NACC2: variants seen among roughly 807,000 people sequenced by gnomAD.
NACC2 encodes NACC family member 2.
In NACC2, 8 loss-of-function variants were observed where a neutral mutation model predicts 25.1. The ratio of observed to expected loss-of-function variants is 0.32; its 90% CI spans 0.19 to 0.57. The LOEUF is 0.57. NACC2 is among the 20% of genes least tolerant of loss of function. The pLI, the probability that NACC2 is intolerant of heterozygous loss-of-function variation, is 0.89. For synonymous variants in NACC2, 435 were observed against 294.7 expected, an observed-to-expected ratio of 1.48 and a Z score of -4.88; for missense variants, 644 against 650.2, an observed-to-expected ratio of 0.99 and a Z score of 0.10.
intron 2 of NACC2, among the ~76,000 whole-genome samples, chr9:136,042,833 CACAGACACAT>C (rs1360462406): frequency 1.3e-5 from 2 of 150,890 alleles, no homozygotes; most frequent in Non-Finnish European, 2.9e-5. Context: ...GGAATTCACA[CACAGACACAT>C]ACAGACACAC....
At chr9:136,015,988 C>T (rs1840196105) in intron 3 of NACC2, among the ~76,000 whole-genome samples, 1 of 152,134 alleles carries the variant, frequency 6.6e-6, no homozygotes. Flanking sequence ...CTATACGTGA[C>T]ATGGTTTTAT....
chr9:136,068,153 A>G (rs1393126479), intron 1 of NACC2, among the ~76,000 whole-genome samples: 1 of 152,166 alleles, frequency 6.6e-6, no homozygotes, highest in Non-Finnish European at 1.5e-5. Flanking sequence ...GCTACTAAAG[A>G]CTGTATAAAC....
chr9:136,075,646 C>G lies in NACC2; in HGVS notation c.-60+19543G>C, dbSNP rs555223621. On this transcript the variant is annotated intron_variant, in intron 1 of 5. Transcript: ENST00000277554. Reference sequence around the variant, plus strand: ...GGGAGCAGAGCCTGCAGGGCCCCCTCAGGAAACCTGTGCTGATGCTGTCCT... The same window carrying G: ...GGGAGCAGAGCCTGCAGGGCCCCCTGAGGAAACCTGTGCTGATGCTGTCCT... 7.9e-5 allele frequency among the ~76,000 whole-genome samples: 12 copies of G among 152,364 alleles called. No homozygotes were observed. The East Asian group carries it at 1.7e-3, about 22-fold the overall frequency.
At chr9:136,059,913 T>C (rs1010289895) in intron 1 of NACC2, among the ~76,000 whole-genome samples, 3 of 152,150 alleles carry the variant, frequency 2.0e-5, no homozygotes, top group Admixed American at 2.0e-4. Context: ...CCCACCCCGA[T>C]GTCCTGACCA....
At position 136,013,170 on chromosome 9, in the gene NACC2, A is replaced by ACCCCAGAGACC; in HGVS notation, c.1255+28_1255+29insGGTCTCTGGGG. 2.6e-6 allele frequency: 1 copy of ACCCCAGAGACC among 391,776 alleles called. No homozygotes were observed. Among genetic ancestry groups the ACCCCAGAGACC allele is most frequent in the Non-Finnish European group, 4.6e-6 (1 of 215,688 alleles). The allele number at this position is 391,776 out of a possible 1,614,324, so 24.3% of individuals were successfully genotyped here. On this transcript the variant is annotated intron_variant, in intron 5 of 5. Coordinates refer to ENST00000277554, the MANE Select transcript of NACC2 (RefSeq NM_144653.5). This position sits in a 1 kb window ranked among gnomAD's most constrained non-coding sequence, Gnocchi z 6.6. ...GGGATCTGAACCCAGCCCCGGCCCC[A>ACCCCAGAGACC]CCCACCCGAGAGACCCCCAGGCTCT... is the stretch of plus-strand genomic sequence containing the variant.
chr9:136,079,586 A>G (rs1830300029), intron 1 of NACC2, among the ~76,000 whole-genome samples: 1 of 152,148 alleles, frequency 6.6e-6, no homozygotes, highest in South Asian at 2.1e-4. Context: ...CTGAGTGGAA[A>G]GGCCACTTGG....
In NACC2 at chr9:136,010,788, C is replaced by T. The variant is rs1229517922; in HGVS notation, c.*728G>A. On this transcript the variant is annotated 3_prime_UTR_variant, in exon 6 of 6. Transcript: ENST00000277554. The surrounding 1 kb of genome is among the most constrained non-coding windows in gnomAD (Gnocchi z 4.9). Reference sequence around the variant, plus strand: ...GGAGGCCAGGCGGGGTCAGCGGTGCCCTGGGGGTCAGGGGACCGAGGGGCT... The same window carrying T: ...GGAGGCCAGGCGGGGTCAGCGGTGCTCTGGGGGTCAGGGGACCGAGGGGCT... The T allele has an allele frequency of 6.6e-6, 1 of 152,350 alleles. No homozygotes were observed. The highest frequency in any genetic ancestry group is 1.5e-5 in the Non-Finnish European group (1 of 68,152). 9.4% of individuals were successfully genotyped at this position (152,350 alleles called of 1,614,324 possible).
chr9:136,065,255 C>T (rs1841066351), intron 1 of NACC2, among the ~76,000 whole-genome samples: 1 of 152,166 alleles, frequency 6.6e-6, no homozygotes, highest in South Asian at 2.1e-4. Flanking sequence ...GAGGCTGAGG[C>T]AGGAGTATCG....
intron 2 of NACC2, among the ~76,000 whole-genome samples, chr9:136,024,683 T>A (rs916979089): frequency 6.6e-6 from 1 of 152,244 alleles, no homozygotes; most frequent in South Asian, 2.1e-4. Flanking sequence ...TATGCAAAAA[T>A]AAATATATTT....
chr9:136,031,074 T>G (rs1274704565), intron 2 of NACC2, among the ~76,000 whole-genome samples: 19 of 152,016 alleles, frequency 1.2e-4, no homozygotes, highest in Admixed American at 1.2e-3. Context: ...CTCAAGAAAA[T>G]GAAGCTAAAT....
intron 2 of NACC2, among the ~76,000 whole-genome samples, chr9:136,017,219 G>T (rs1289664443): frequency 1.3e-5 from 2 of 152,182 alleles, no homozygotes; most frequent in Non-Finnish European, 2.9e-5. Context: ...TGCATCCTCA[G>T]GACCTGCAGC....
chr9:136,051,420 G>A (rs1840833879), intron 1 of NACC2, among the ~76,000 whole-genome samples: 1 of 152,196 alleles, frequency 6.6e-6, no homozygotes, highest in Non-Finnish European at 1.5e-5. Context: ...CCCAACCCAG[G>A]TGACTACAGG....
intron 1 of NACC2, among the ~76,000 whole-genome samples, chr9:136,068,494 C>T (rs1306663053): frequency 2.6e-5 from 3 of 116,450 alleles, no homozygotes; most frequent in Non-Finnish European, 3.5e-5. Flanking sequence ...AGTGAAACTC[C>T]GTCTCAAAAA....
Position 136,049,986 on chromosome 9 carries a change from T to C in NACC2, c.536A>G (p.Glu179Gly). The change falls in exon 2 of 6, where the codon GAG becomes GGG. Residue 179 changes from glutamate (E) to glycine (G), a missense_variant. Transcript: ENST00000277554. Reference sequence around the variant, plus strand: ...CAGGCCTGGGCCGGCCGGCGGCAGCTCCATGGCTTCATGCTTTACTCGGGT... The same window carrying C: ...CAGGCCTGGGCCGGCCGGCGGCAGCCCCATGGCTTCATGCTTTACTCGGGT... ...LLTRVKHEAM[E>G]LPPAGPGLAP... The C allele has an allele frequency of 3.0e-6, 2 of 656,122 alleles. No homozygotes were observed. Among genetic ancestry groups the C allele is most frequent in the Non-Finnish European group, 5.5e-6 (2 of 365,260 alleles). 40.6% of individuals were successfully genotyped at this position (656,122 alleles called of 1,614,324 possible).
intron 2 of NACC2, among the ~76,000 whole-genome samples, chr9:136,021,943 C>T (rs4842076): frequency 0.46 from 70,060 of 152,026 alleles, 16,550 homozygotes; most frequent in African/African-American, 0.53. Context: ...GGCTGGGGTG[C>T]GGACAAGCCT....
Position 136,077,102 on chromosome 9 carries a change from C to T in NACC2, c.-60+18087G>A, listed in dbSNP as rs1385448739. On this transcript the variant is annotated intron_variant, in intron 1 of 5. Coordinates refer to ENST00000277554, the MANE Select transcript of NACC2 (RefSeq NM_144653.5). ...GGCTGAGGCAGGAGAATCGCTTGAACCCGGAGGTGGAGGTTGCAGTGAGCC... is the reference window on the plus strand; with the variant it reads ...GGCTGAGGCAGGAGAATCGCTTGAATCCGGAGGTGGAGGTTGCAGTGAGCC... Among the ~76,000 whole-genome samples the T allele has an allele frequency of 3.3e-5, 5 of 152,130 alleles. No homozygotes were observed. The South Asian group carries it at 1.0e-3, about 32-fold the overall frequency.
chr9:136,056,544 C>T (rs1054370345), intron 1 of NACC2, among the ~76,000 whole-genome samples: 10 of 152,276 alleles, frequency 6.6e-5, no homozygotes, highest in Non-Finnish European at 1.3e-4. Flanking sequence ...CAACAGACCC[C>T]GGGTAGCTAC....
In NACC2 at chr9:136,022,157, T is replaced by C. The variant is rs1489128366; in HGVS notation, c.887-5728A>G. ...AGCTCTGGCAACCTGTGAGGGACAC[T>C]TGTGAACTTGGTGGCATCAGGCGCA... On this transcript the variant is annotated intron_variant, in intron 2 of 5. Transcript: ENST00000277554. This position sits in a 1 kb window ranked among gnomAD's most constrained non-coding sequence, Gnocchi z 4.4. 2.6e-5 allele frequency among the ~76,000 whole-genome samples: 4 copies of C among 152,130 alleles called. No individual in the cohort carries two copies. The highest frequency in any genetic ancestry group is 5.9e-5 in the Non-Finnish European group (4 of 68,002).
At position 136,083,270 on chromosome 9, in the gene NACC2, G is replaced by A. The variant is rs572313044; in HGVS notation, c.-60+11919C>T. 5.9e-5 allele frequency among the ~76,000 whole-genome samples: 9 copies of A among 152,318 alleles called. No homozygotes were observed. In the East Asian group the frequency reaches 1.4e-3, roughly 23 times the overall value. ...TCTCCTGAGTCCAGGTACAGTCAAT[G>A]CTTCACCCCAACCTGAGCCTAGGCA... On this transcript the variant is annotated intron_variant, in intron 1 of 5. Transcript: ENST00000277554.
Sources: allele counts gnomAD v4.1 joint callset (sites outside exome capture counted in the v4.1 genomes callset), GRCh38; gene constraint gnomAD v4.1.1; non-coding constraint Gnocchi (gnomAD v3.1); transcripts MANE v1.5; gene names NCBI Gene and HGNC (gene_info 2026-07-23, HGNC 2026-07-21).